Variants in SDR42E1 observed in about 807,000 individuals in gnomAD.
The protein encoded by SDR42E1 is short-chain dehydrogenase/reductase family 42E member 1.
SDR42E1 carries 5 observed loss-of-function variants against 2.6 expected under a neutral mutation model. The ratio of observed to expected loss-of-function variants is 1.94; its 90% CI spans 1.01 to 4.08. SDR42E1 has a LOEUF of 4.08. Ranked by LOEUF, SDR42E1 falls within the 30% of genes most tolerant of loss-of-function variation. The pLI is 0.00. For missense variants in SDR42E1, 596 were observed against 478.6 expected, an observed-to-expected ratio of 1.25 and a Z score of -2.29; for synonymous variants, 231 against 188.3, an observed-to-expected ratio of 1.23 and a Z score of -1.86.
rs951873171 is a variant in SDR42E1, at chr16:81,994,504, C to T, written c.*4607G>A. On this transcript the variant is annotated 3_prime_UTR_variant, in exon 3 of 3. Coordinates refer to ENST00000328945, the MANE Select transcript of SDR42E1 (RefSeq NM_145168.3). The stretch of plus-strand genomic sequence containing the variant: ...GTCAGGCCTGCATGTGGAGGTCAGC[C>T]CCACGAAAGGGCTGGGAGGGACTTT... The T allele has an allele frequency of 6.6e-6, 1 of 152,162 alleles. No homozygotes were observed. Among genetic ancestry groups the T allele is most frequent in the African/African-American group, 2.4e-5 (1 of 41,420 alleles). The allele number at this position is 152,162 out of a possible 1,614,324, so 9.4% of individuals were successfully genotyped here.
rs1020839819 is a variant in SDR42E1 at position 81,995,679 on chromosome 16, GAA to G, written c.*3430_*3431del. 4 of 152,228 alleles carry G rather than the reference GAA, an allele frequency of 2.6e-5. No homozygotes were observed. Among genetic ancestry groups the G allele is most frequent in the Non-Finnish European group, 5.9e-5 (4 of 68,056 alleles). 9.4% of individuals were successfully genotyped at this position (152,228 alleles called of 1,614,324 possible). A position where few individuals can be genotyped will look rare whatever the true frequency, so the allele number is the denominator to read the frequency against. ...GAAACAGTGAGTTATCTGTGTGCTA[GAA>G]AAGAGTGTTCATCCATAGCAGATGG... On this transcript the variant is annotated 3_prime_UTR_variant, in exon 3 of 3. Coordinates refer to ENST00000328945, the MANE Select transcript of SDR42E1 (RefSeq NM_145168.3).
chr16:81,997,045 G>T lies in SDR42E1; in HGVS notation c.*2066C>A, dbSNP rs16956150. ...ACAGCGTATTGTCCCTTGGCAGTCT[G>T]AGCAGAAGCTCACAGTGGAGAACTT... On this transcript the variant is annotated 3_prime_UTR_variant, in exon 3 of 3. Coordinates refer to ENST00000328945, the MANE Select transcript of SDR42E1 (RefSeq NM_145168.3). 1 of 152,234 alleles carries T rather than the reference G, an allele frequency of 6.6e-6. No individual in the cohort carries two copies. Among genetic ancestry groups the T allele is most frequent in the African/African-American group, 2.4e-5 (1 of 41,442 alleles). The allele number at this position is 152,234 out of a possible 1,614,324, so 9.4% of individuals were successfully genotyped here.
chr16:81,999,849 G>A lies in SDR42E1; in HGVS notation c.444C>T (p.His148=), dbSNP rs144311554. ...ESLPYLPLHL[H]PDHYSRTKSI... The stretch of plus-strand genomic sequence containing the variant: ...ACTTTGTCCGAGAGTAGTGATCAGG[G>A]TGGAGGTGAAGAGGCAGGTAGGGCA... The change falls in exon 3 of 3, where the codon CAC becomes CAT. Residue 148 remains histidine (H), a synonymous_variant. Transcript: ENST00000328945. 11,397 of 1,614,192 alleles carry A rather than the reference G, an allele frequency of 7.1e-3. 63 individuals are homozygous for A. The highest frequency in any genetic ancestry group is 8.3e-3 in the Non-Finnish European group (9,747 of 1,180,036).
intron 1 of SDR42E1, 57 bp from the exon 2 acceptor site, chr16:82,000,941 T>A: frequency 7.9e-7 from 1 of 1,260,430 alleles, no homozygotes; most frequent in Non-Finnish European, 1.1e-6. Context: ...TCATTCTCCC[T>A]AATTTTGACC....
chr16:82,000,379 GCTT>G (rs780482969), intron 2 of SDR42E1, 155 bp from the exon 3 acceptor site: 1 of 916,766 alleles, frequency 1.1e-6, no homozygotes, highest in South Asian at 1.4e-5. Context: ...TGCAAGCCTC[GCTT>G]CTTCAAATTT....
At chr16:82,001,005 G>A in intron 1 of SDR42E1, 121 bp from the exon 2 acceptor site, 1 of 626,440 alleles carries the variant, frequency 1.6e-6, no homozygotes, top group Non-Finnish European at 2.7e-6. Flanking sequence ...TGAGGTCTGG[G>A]TCTGGTCACA....
rs1410322576 is a variant in SDR42E1, at chr16:81,992,606, T to TA, written c.*6504dup. ...AGATATGTAGAATACTTGCCAAGAT[T>TA]AAAATCTTGCATATTAGTAATGAAG... On this transcript the variant is annotated 3_prime_UTR_variant, in exon 3 of 3. Transcript: ENST00000328945. 2 of 152,202 alleles carry TA rather than the reference T, an allele frequency of 1.3e-5. No individual in the cohort carries two copies. The highest frequency in any genetic ancestry group is 2.9e-5 in the Non-Finnish European group (2 of 68,032). 9.4% of individuals were successfully genotyped at this position (152,202 alleles called of 1,614,324 possible).
chr16:82,010,423 G>A (rs998445842), intron 1 of SDR42E1, among the ~76,000 whole-genome samples: 8 of 152,134 alleles, frequency 5.3e-5, no homozygotes, highest in African/African-American at 1.9e-4. Context: ...ATTCGCTTAG[G>A]TCATTATCTT....
rs1912694936 is a variant in SDR42E1, at chr16:81,999,987, G to T, written c.306C>A (p.Gly102=). Residue 102 remains glycine (G), a synonymous_variant, in exon 3 of 3, where the codon GGC becomes GGA. Transcript: ENST00000328945. ...GGCAAACCTGGAGGATGTTGTCTGT[G>T]CCCCTGACGTTGACTTCTTTGATCA... The part of the protein sequence containing the change: ...RNLIKEVNVR[G]TDNILQVCQR... 1.2e-6 allele frequency: 2 copies of T among 1,614,078 alleles called. No individual in the cohort carries two copies. The highest frequency in any genetic ancestry group is 1.3e-5 in the African/African-American group (1 of 74,928).
Position 82,000,079 on chromosome 16 carries a change from C to G in SDR42E1, c.214G>C (p.Asp72His), listed in dbSNP as rs777176586. ...SDVEKAFQDA[D>H]VTCVFHIASY... ...GCAATATGGAACACACAAGTGACGT[C>G]TGCATCCTGGAAGGCTTTCTCTACG... is the stretch of plus-strand genomic sequence containing the variant. The change falls in exon 3 of 3, where the codon GAC (aspartate) becomes CAC (histidine). Residue 72 changes from aspartate to histidine, a missense_variant. Coordinates refer to ENST00000328945, the MANE Select transcript of SDR42E1 (RefSeq NM_145168.3). 2 of 1,614,236 alleles carry G rather than the reference C, an allele frequency of 1.2e-6. No homozygotes were observed. Among genetic ancestry groups the G allele is most frequent in the South Asian group, 1.1e-5 (1 of 91,092 alleles).
At chr16:82,001,432 C>T (rs1912754876) in intron 1 of SDR42E1, among the ~76,000 whole-genome samples, 2 of 152,090 alleles carry the variant, frequency 1.3e-5, no homozygotes, top group Admixed American at 1.3e-4. Flanking sequence ...CCCCACCTCC[C>T]CCACCGCAAA....
rs1912574831 is a variant in SDR42E1 at position 81,997,664 on chromosome 16, T to A, written c.*1447A>T. ...CATCACCTCATACTGATGTTGCAAT[T>A]TATATTAGAAGTACTTTCACCACAT... On this transcript the variant is annotated 3_prime_UTR_variant, in exon 3 of 3. Coordinates refer to ENST00000328945, the MANE Select transcript of SDR42E1 (RefSeq NM_145168.3). 6.6e-6 allele frequency: 1 copy of A among 152,180 alleles called. No individual in the cohort carries two copies. The highest frequency in any genetic ancestry group is 1.5e-5 in the Non-Finnish European group (1 of 68,038). The allele number at this position is 152,180 out of a possible 1,614,324, so 9.4% of individuals were successfully genotyped here. A position where few individuals can be genotyped will look rare whatever the true frequency, so the allele number is the denominator to read the frequency against.
rs1162627877 is a variant in SDR42E1, at chr16:82,000,863, G to A, written c.-5C>T. On this transcript the variant is annotated 5_prime_UTR_variant, in exon 2 of 3. Transcript: ENST00000328945. ...TTGAGATCTTTTGGGGTCCATATGT[G>A]GCAGTCAAAAGATAACTGGACCTGA... is the stretch of plus-strand genomic sequence containing the variant. The A allele has an allele frequency of 6.2e-7, 1 of 1,612,228 alleles. No individual in the cohort carries two copies. The highest frequency in any genetic ancestry group is 2.2e-5 in the East Asian group (1 of 44,856).
chr16:82,010,707 A>G (rs1387645921), intron 1 of SDR42E1, among the ~76,000 whole-genome samples: 1 of 152,148 alleles, frequency 6.6e-6, no homozygotes, highest in Non-Finnish European at 1.5e-5. Flanking sequence ...TTCATCTTAC[A>G]TCTGTTCTTG....
chr16:81,998,037 T>C lies in SDR42E1; in HGVS notation c.*1074A>G, dbSNP rs763306948. 2.0e-5 allele frequency: 3 copies of C among 152,374 alleles called. No individual in the cohort carries two copies. Among genetic ancestry groups the C allele is most frequent in the East Asian group, 3.9e-4 (2 of 5,194 alleles). The allele number at this position is 152,374 out of a possible 1,614,324, so 9.4% of individuals were successfully genotyped here. On this transcript the variant is annotated 3_prime_UTR_variant, in exon 3 of 3. Transcript: ENST00000328945. Reference sequence around the variant, plus strand: ...GGACAGACATGGACTCTGTCTTCTTTCCACTTGGGTTCCTATGCAACAGTG... The same window carrying C: ...GGACAGACATGGACTCTGTCTTCTTCCCACTTGGGTTCCTATGCAACAGTG...
intron 1 of SDR42E1, among the ~76,000 whole-genome samples, chr16:82,001,188 C>T (rs1458842199): frequency 6.6e-6 from 1 of 152,124 alleles, no homozygotes; most frequent in Non-Finnish European, 1.5e-5. Flanking sequence ...GAACATAAGG[C>T]ATTATTGTAA....
Position 81,999,513 on chromosome 16 carries a change from C to T in SDR42E1, c.780G>A (p.Val260=). 6.2e-7 allele frequency: 1 copy of T among 1,614,156 alleles called. No homozygotes were observed. Among genetic ancestry groups the T allele is most frequent in the East Asian group, 2.2e-5 (1 of 44,874 alleles). ...QPYFISDGRP[V]NNFEFFRPLV... ...GAGGCCGGAAGAACTCAAAGTTGTT[C>T]ACGGGTCTGCCATCTGAGATGAAGT... The change falls in exon 3 of 3, where the codon GTG becomes GTA. Residue 260 remains valine, a synonymous_variant. Coordinates refer to ENST00000328945, the MANE Select transcript of SDR42E1 (RefSeq NM_145168.3).
rs955767004 is a variant in SDR42E1 at position 81,990,876 on chromosome 16, C to T, written c.*8235G>A. ...TGTGAAGTGCTTTGTAAAAAGTTCA[C>T]CCTTCTTTGGGAGAATTTAAACATC... On this transcript the variant is annotated 3_prime_UTR_variant, in exon 3 of 3. Coordinates refer to ENST00000328945, the MANE Select transcript of SDR42E1 (RefSeq NM_145168.3). The T allele has an allele frequency of 3.3e-5, 5 of 152,202 alleles. No individual in the cohort carries two copies. The highest frequency in any genetic ancestry group is 1.2e-4 in the African/African-American group (5 of 41,444). 9.4% of individuals were successfully genotyped at this position (152,202 alleles called of 1,614,324 possible).
Position 81,990,224 on chromosome 16 carries a change from C to G in SDR42E1, c.*8887G>C, listed in dbSNP as rs915601204. 8 of 152,194 alleles carry G rather than the reference C, an allele frequency of 5.3e-5. No individual in the cohort carries two copies. The highest frequency in any genetic ancestry group is 1.0e-4 in the Non-Finnish European group (7 of 68,082). 9.4% of individuals were successfully genotyped at this position (152,194 alleles called of 1,614,324 possible). On this transcript the variant is annotated 3_prime_UTR_variant, in exon 3 of 3. Transcript: ENST00000328945. ...GCTACTTAGGAGGATCACCTGAGCC[C>G]AGGAGGGCACTGCAGCAGTGAGCTG...
Sources: allele counts gnomAD v4.1 joint callset (sites outside exome capture counted in the v4.1 genomes callset), GRCh38; gene constraint gnomAD v4.1.1; transcripts MANE v1.5; gene names NCBI Gene and HGNC (gene_info 2026-07-23, HGNC 2026-07-21).